The following NFKB1 variants were observed in gnomAD, a reference collection of about 807,000 sequenced individuals.
NFKB1 encodes the protein nuclear factor kappa B subunit 1.
Under a neutral mutation model 105.1 loss-of-function variants are expected in NFKB1, and 9 were observed. The ratio of observed to expected loss-of-function variants is 0.09; its 90% CI spans 0.05 to 0.15. The LOEUF (loss-of-function observed/expected upper bound fraction) is 0.15, where lower values mean the gene tolerates loss of function less well. Ranked by LOEUF, NFKB1 falls within the 10% of genes least tolerant of loss-of-function variation. NFKB1 has a pLI of 1.00. For synonymous variants in NFKB1, 440 were observed against 442.2 expected (o/e 1.00, Z 0.06); for missense variants, 830 against 1,203.7 (o/e 0.69, Z 4.59).
In NFKB1 at chr4:102,584,676, C is replaced by G; in HGVS notation, c.928-6C>G. 6.3e-7 allele frequency: 1 copy of G among 1,585,998 alleles called. No homozygotes were observed. The highest frequency in any genetic ancestry group is 8.5e-7 in the Non-Finnish European group (1 of 1,170,144). ...ACACCAACATGTGGTTCTTCGTATCCTGCAGTTTGCCATTGTCTTCAAAAC... is the reference window on the plus strand; with the variant it reads ...ACACCAACATGTGGTTCTTCGTATCGTGCAGTTTGCCATTGTCTTCAAAAC... On this transcript the variant is annotated splice_region_variant and splice_polypyrimidine_tract_variant and intron_variant, in intron 10 of 23. Transcript: ENST00000226574.
At chr4:102,574,359 C>A (rs1724636046) in intron 6 of NFKB1, among the ~76,000 whole-genome samples, 1 of 152,164 alleles carries the variant, frequency 6.6e-6, no homozygotes. Flanking sequence ...ACTATTCCAG[C>A]CCCATATGTG....
intron 23 of NFKB1, among the ~76,000 whole-genome samples, chr4:102,615,610 T>A (rs1009424706): frequency 6.6e-6 from 1 of 152,388 alleles, no homozygotes; most frequent in Non-Finnish European, 1.5e-5. Flanking sequence ...AACATTTTTT[T>A]AAAAAGTAAA....
intron 15 of NFKB1, 57 bp from the exon 16 acceptor site, chr4:102,600,838 A>C: frequency 2.0e-6 from 2 of 1,007,716 alleles, no homozygotes; most frequent in Non-Finnish European, 3.2e-6. Context: ...CATCTTGGGA[A>C]TCTTTTCTTT....
Position 102,593,524 on chromosome 4 carries a change from T to G in NFKB1, c.1166T>G (p.Phe389Cys). The change falls in exon 12 of 24, where the codon TTT becomes TGT. Residue 389 changes from phenylalanine to cysteine, a missense_variant. This residue lies in a region of NFKB1 where 163 missense variants were observed against 164.3 expected (regional missense o/e 0.99). Transcript: ENST00000226574. ...GCTGGAGCTGGAGGCGGAGGCATGT[T>G]TGGTAGTGGCGGTGGAGGAGGGGGC... is the stretch of plus-strand genomic sequence containing the variant. ...SGAGAGGGGM[F>C]GSGGGGGGTG... 1.2e-6 allele frequency: 2 copies of G among 1,613,640 alleles called. No individual in the cohort carries two copies. Among genetic ancestry groups the G allele is most frequent in the South Asian group, 2.2e-5 (2 of 91,052 alleles).
intron 9 of NFKB1, among the ~76,000 whole-genome samples, chr4:102,581,220 T>C (rs1188288258): frequency 1.3e-5 from 2 of 152,164 alleles, no homozygotes; most frequent in South Asian, 4.1e-4. Flanking sequence ...CATTGATAGA[T>C]TAGTAAAAGC....
In NFKB1 at chr4:102,533,899, G is replaced by T. The variant is rs766657016; in HGVS notation, c.159+14G>T. ...CAACCTAAACAGGTAAGATTAAAGG[G>T]GTGGGACTTTAAATGTTAGATTCCA... On this transcript the variant is annotated intron_variant, in intron 4 of 23. Transcript: ENST00000226574. 4 of 1,606,292 alleles carry T rather than the reference G, an allele frequency of 2.5e-6. No individual in the cohort carries two copies. Among genetic ancestry groups the T allele is most frequent in the East Asian group, 4.5e-5 (2 of 44,724 alleles).
At chr4:102,548,812 T>G (rs1467484325) in intron 5 of NFKB1, among the ~76,000 whole-genome samples, 1 of 152,168 alleles carries the variant, frequency 6.6e-6, no homozygotes, top group Non-Finnish European at 1.5e-5. Flanking sequence ...TCTCTCTGCG[T>G]CCCTGTGTCC....
chr4:102,599,397 C>T (rs1287140306), intron 15 of NFKB1, among the ~76,000 whole-genome samples: 7 of 152,150 alleles, frequency 4.6e-5, no homozygotes, highest in East Asian at 1.9e-4. Flanking sequence ...ATCCCAAGTA[C>T]GATATACTTG....
rs532462804 is a variant in NFKB1, at chr4:102,610,517, G to A, written c.2228-58G>A. On this transcript the variant is annotated intron_variant, in intron 19 of 23. Coordinates refer to ENST00000226574, the MANE Select transcript of NFKB1 (RefSeq NM_003998.4). ...GCCTTTGGGAATCTGACCTTTGCAG[G>A]CAGTTGGAAGTTGACAAGATCTGGG... 7 of 1,574,952 alleles carry A rather than the reference G, an allele frequency of 4.4e-6. No homozygotes were observed. The East Asian group carries it at 1.4e-4, about 30-fold the overall frequency.
chr4:102,522,601 G>C (rs990069304), intron 1 of NFKB1, among the ~76,000 whole-genome samples: 3 of 152,136 alleles, frequency 2.0e-5, no homozygotes, highest in Admixed American at 2.0e-4. Flanking sequence ...TTAGAGTGAG[G>C]ACTGCTTTAT....
chr4:102,505,135 G>C (rs1257704766), intron 1 of NFKB1, among the ~76,000 whole-genome samples: 1 of 152,134 alleles, frequency 6.6e-6, no homozygotes, highest in Non-Finnish European at 1.5e-5. Flanking sequence ...CATTTCCGGA[G>C]GTTGTTGACC....
chr4:102,576,951 G>A lies in NFKB1; in HGVS notation c.483G>A (p.Ala161=), dbSNP rs373249652. 1.2e-5 allele frequency: 20 copies of A among 1,613,940 alleles called. No homozygotes were observed. In the African/African-American group the frequency reaches 1.5e-4, roughly 12 times the overall value. The part of the protein sequence containing the change: ...FETLEARMTE[A]CIRGYNPGLL... ...CACTGGAAGCACGAATGACAGAGGC[G>A]TGTATAAGGGGCTATAATCCTGGAC... The change falls in exon 7 of 24, where the codon GCG becomes GCA. Residue 161 remains alanine (A), a synonymous_variant. Coordinates refer to ENST00000226574, the MANE Select transcript of NFKB1 (RefSeq NM_003998.4).
At chr4:102,564,311 C>T (rs960693583) in intron 5 of NFKB1, among the ~76,000 whole-genome samples, 5 of 152,208 alleles carry the variant, frequency 3.3e-5, no homozygotes, top group Admixed American at 1.3e-4. Flanking sequence ...AACAGTTCTC[C>T]GTCATCATGA....
At chr4:102,502,614 C>T (rs1739164051) in intron 1 of NFKB1, among the ~76,000 whole-genome samples, 1 of 152,126 alleles carries the variant, frequency 6.6e-6, no homozygotes, top group South Asian at 2.1e-4. Context: ...AAGGCCTATC[C>T]TAAATGCAAG....
intron 1 of NFKB1, among the ~76,000 whole-genome samples, chr4:102,523,335 C>T (rs1740687480): frequency 6.6e-6 from 1 of 152,180 alleles, no homozygotes; most frequent in South Asian, 2.1e-4. Flanking sequence ...TGCAAATCTG[C>T]ATGAACTTCA....
At chr4:102,569,288 T>G (rs1306571923) in intron 6 of NFKB1, among the ~76,000 whole-genome samples, 1 of 152,162 alleles carries the variant, frequency 6.6e-6, no homozygotes, top group Non-Finnish European at 1.5e-5. Context: ...GTTACATGAC[T>G]TCTTGGGGAC....
chr4:102,529,860 A>G lies in NFKB1; in HGVS notation c.64A>G (p.Thr22Ala). ...EQMFHLDPSL[T>A]HTIFNPEVFQ... is the part of the protein sequence containing the mutation. ...GATGTTTCATTTGGATCCTTCTTTG[A>G]CTCATACAATATTTAATCCAGAAGT... The change falls in exon 3 of 24, where the codon ACT (threonine) becomes GCT (alanine). Residue 22 changes from threonine (T) to alanine (A), a missense_variant. Transcript: ENST00000226574. 6.2e-7 allele frequency: 1 copy of G among 1,608,102 alleles called. No homozygotes were observed. Among genetic ancestry groups the G allele is most frequent in the African/African-American group, 1.3e-5 (1 of 74,836 alleles).
intron 1 of NFKB1, among the ~76,000 whole-genome samples, chr4:102,515,112 T>A (rs919411668): frequency 2.2e-4 from 29 of 129,426 alleles, no homozygotes; most frequent in East Asian, 1.6e-3. Flanking sequence ...TTATTATTTT[T>A]TTTTTTTTTT....
chr4:102,545,040 G>A (rs1352223640), intron 5 of NFKB1, among the ~76,000 whole-genome samples: 1 of 152,046 alleles, frequency 6.6e-6, no homozygotes, highest in Non-Finnish European at 1.5e-5. Context: ...GGCAACTCTC[G>A]GCATTCCATT....
Sources: gnomAD v4.1 joint callset for allele counts (sites outside exome capture counted in the v4.1 genomes callset) on GRCh38, gnomAD v4.1.1 for gene constraint, gnomAD v4.1.1 regional missense constraint, MANE v1.5 for transcripts, NCBI Gene and HGNC (gene_info 2026-07-23, HGNC 2026-07-21) for gene names.